The following UGT1A10 variants were observed in gnomAD, a reference collection of about 807,000 sequenced individuals.
The protein encoded by UGT1A10 is UDP-glucuronosyltransferase 1A10.
A neutral mutation model predicts 45.8 loss-of-function variants in UGT1A10; 49 were observed. The observed-to-expected ratio is 1.07, with a 90% CI of 0.85 to 1.36. UGT1A10 has a LOEUF of 1.36. Ranked by LOEUF, UGT1A10 falls within the 40% of genes most tolerant of loss-of-function variation. UGT1A10 has a pLI of 0.00. For missense variants in UGT1A10, 745 were observed against 668.6 expected (o/e 1.11, Z -1.26); for synonymous variants, 284 against 249.7 (o/e 1.14, Z -1.29).
intron 1 of UGT1A10, chr2:233,682,836 G>A: frequency 6.5e-7 from 1 of 1,546,838 alleles, no homozygotes; most frequent in South Asian, 1.3e-5. Context: ...ATCTGGCTTT[G>A]GAAATTAAAA....
At chr2:233,660,706 C>G (rs1011571835) in intron 1 of UGT1A10, among the ~76,000 whole-genome samples, 2 of 152,084 alleles carry the variant, frequency 1.3e-5, no homozygotes, top group Admixed American at 6.6e-5. Context: ...TCCTCGTGCC[C>G]GCTTCTCTTC....
chr2:233,766,580 G>A (rs1699191238), intron 1 of UGT1A10, among the ~76,000 whole-genome samples: 1 of 152,180 alleles, frequency 6.6e-6, no homozygotes, highest in Admixed American at 6.5e-5. Context: ...AGGTCTGGGG[G>A]TGGAGCCCTC....
Position 233,757,136 on chromosome 2 carries a change from G to A in UGT1A10, c.856-9898G>A, listed in dbSNP as rs10929302. Among the ~76,000 whole-genome samples, 45,076 of 150,450 alleles carry A rather than the reference G, an allele frequency of 0.3. 6,849 individuals carry two copies. The highest frequency in any genetic ancestry group is 0.39 in the South Asian group (1,811 of 4,692). ...AGGGCTAGAGAGGAGGAATGAGCTT[G>A]GACAGGTGGGCTGGGGTCTATCCCA... On this transcript the variant is annotated intron_variant, in intron 1 of 4. Transcript: ENST00000344644.
At position 233,765,866 on chromosome 2, in the gene UGT1A10, G is replaced by A. The variant is rs1008092006; in HGVS notation, c.856-1168G>A. On this transcript the variant is annotated intron_variant, in intron 1 of 4. Transcript: ENST00000344644. ...TCCCCCTCACAGAGCATGTGACAGCGGGAGGGGCTCACTTTCTCAGTGCGC... is the reference window on the plus strand; with the variant it reads ...TCCCCCTCACAGAGCATGTGACAGCAGGAGGGGCTCACTTTCTCAGTGCGC... Among the ~76,000 whole-genome samples the A allele has an allele frequency of 3.3e-5, 5 of 152,054 alleles. No homozygotes were observed. The East Asian group carries it at 5.8e-4, about 18-fold the overall frequency.
intron 1 of UGT1A10, among the ~76,000 whole-genome samples, chr2:233,649,541 A>C (rs2125474425): frequency 1.3e-5 from 2 of 152,342 alleles, no homozygotes; most frequent in Middle Eastern, 6.8e-3. Flanking sequence ...ATGAAAATCA[A>C]ATCAACTATC....
rs926387515 is a variant in UGT1A10 at position 233,772,265 on chromosome 2, C to T, written c.1299C>T (p.Tyr433=). ...ACGAAACTGTCTTTGTGTTTAGTTA[C>T]AAGGAGAACATCATGCGCCTCTCCA... ...ALKAVINDKS[Y]KENIMRLSSL... The change falls in exon 5 of 5, where the codon TAC becomes TAT. Residue 433 remains tyrosine, a synonymous_variant. Coordinates refer to ENST00000344644, the MANE Select transcript of UGT1A10 (RefSeq NM_019075.4). 4 of 1,614,232 alleles carry T rather than the reference C, an allele frequency of 2.5e-6. No homozygotes were observed. The Admixed American group carries it at 6.7e-5, about 27-fold the overall frequency.
intron 1 of UGT1A10, among the ~76,000 whole-genome samples, chr2:233,758,958 A>G (rs936812045): frequency 2.0e-5 from 3 of 152,152 alleles, no homozygotes; most frequent in Non-Finnish European, 4.4e-5. Flanking sequence ...AATTTCCCCA[A>G]ATGCCTTTCC....
chr2:233,671,630 G>A (rs1293270060), intron 1 of UGT1A10, among the ~76,000 whole-genome samples: 1 of 152,106 alleles, frequency 6.6e-6, no homozygotes, highest in Non-Finnish European at 1.5e-5. Context: ...AACCTTCAAG[G>A]TCCAAAAGCA....
rs936360060 is a variant in UGT1A10 at position 233,744,308 on chromosome 2, A to G, written c.856-22726A>G. On this transcript the variant is annotated intron_variant, in intron 1 of 4. Coordinates refer to ENST00000344644, the MANE Select transcript of UGT1A10 (RefSeq NM_019075.4). Reference sequence around the variant, plus strand: ...GTCTTTTTCCTCGGCCACAGGAGGGAAGAGGGTGGTGGGAGTGAGTTTAGT... The same window carrying G: ...GTCTTTTTCCTCGGCCACAGGAGGGGAGAGGGTGGTGGGAGTGAGTTTAGT... Among the ~76,000 whole-genome samples, 68 of 151,726 alleles carry G rather than the reference A, an allele frequency of 4.5e-4. 2 individuals are homozygous for G. The highest frequency in any genetic ancestry group is 1.7e-3 in the African/African-American group (68 of 41,046).
At chr2:233,690,758 CAT>C (rs55645630) in intron 1 of UGT1A10, 466,618 of 1,124,270 alleles carry the variant, frequency 0.42, 85,204 homozygotes, top group South Asian at 0.44. Flanking sequence ...CCAGTGCAGA[CAT>C]ACACACACAC....
At chr2:233,717,276 T>C (rs760496544) in intron 1 of UGT1A10, among the ~76,000 whole-genome samples, 4 of 152,156 alleles carry the variant, frequency 2.6e-5, no homozygotes, top group Admixed American at 1.3e-4. Context: ...GTTGAGAAGC[T>C]GAGATGTTGC....
rs571377170 is a variant in UGT1A10 at position 233,681,019 on chromosome 2, A to G, written c.855+43642A>G. 5.4e-4 allele frequency among the ~76,000 whole-genome samples: 82 copies of G among 152,098 alleles called. 1 individual carries two copies. The Middle Eastern group carries it at 0.034, about 63-fold the overall frequency. ...ATTACAGCATTTCAGAGGCCTCAGA[A>G]GATTTGGAAATGAAAAAAGACAAGC... On this transcript the variant is annotated intron_variant, in intron 1 of 4. Coordinates refer to ENST00000344644, the MANE Select transcript of UGT1A10 (RefSeq NM_019075.4).
At chr2:233,748,117 C>G in intron 1 of UGT1A10, 1 of 1,611,604 alleles carries the variant, frequency 6.2e-7, no homozygotes, top group Non-Finnish European at 8.5e-7. Context: ...ATGTTCCAGG[C>G]AAAACAGTTT....
chr2:233,689,054 A>G (rs1455498112), intron 1 of UGT1A10, among the ~76,000 whole-genome samples: 1 of 152,200 alleles, frequency 6.6e-6, no homozygotes, highest in African/African-American at 2.4e-5. Context: ...TCTCTTCTGT[A>G]TAATCCCTTT....
chr2:233,699,987 T>C (rs946702694), intron 1 of UGT1A10, among the ~76,000 whole-genome samples: 2 of 152,158 alleles, frequency 1.3e-5, no homozygotes, highest in Non-Finnish European at 2.9e-5. Context: ...CAACAAAGAA[T>C]TACTCTGGCT....
At chr2:233,689,816 C>T (rs1484884597) in intron 1 of UGT1A10, 2 of 441,390 alleles carry the variant, frequency 4.5e-6, no homozygotes, top group East Asian at 7.0e-5. Flanking sequence ...GGAAACCAAA[C>T]ATCTCTGGAC....
At chr2:233,750,454 C>A (rs1301530948) in intron 1 of UGT1A10, among the ~76,000 whole-genome samples, 2 of 151,940 alleles carry the variant, frequency 1.3e-5, no homozygotes, top group Non-Finnish European at 2.9e-5. Flanking sequence ...TTCAAACCAG[C>A]TACAGAAATA....
intron 1 of UGT1A10, among the ~76,000 whole-genome samples, chr2:233,652,552 T>C (rs1393926780): frequency 6.6e-6 from 1 of 152,184 alleles, no homozygotes; most frequent in African/African-American, 2.4e-5. Flanking sequence ...ACAAAATCAA[T>C]AACTCTTTAA....
At position 233,729,937 on chromosome 2, in the gene UGT1A10, C is replaced by A; in HGVS notation, c.856-37097C>A. The A allele has an allele frequency of 3.1e-6, 5 of 1,614,026 alleles. No individual in the cohort carries two copies. The Admixed American group carries it at 8.3e-5, about 27-fold the overall frequency. On this transcript the variant is annotated intron_variant, in intron 1 of 4. Coordinates refer to ENST00000344644, the MANE Select transcript of UGT1A10 (RefSeq NM_019075.4). ...GATGGACTACCCCAGGCCAATCATG[C>A]CCAACATGGTCTTCATTGGGGGCAT... is the stretch of plus-strand genomic sequence containing the variant.
Sources: allele counts gnomAD v4.1 joint callset (sites outside exome capture counted in the v4.1 genomes callset), GRCh38; gene constraint gnomAD v4.1.1; transcripts MANE v1.5; gene names NCBI Gene and HGNC (gene_info 2026-07-23, HGNC 2026-07-21).